Variants in SLIT3 observed in about 807,000 individuals in gnomAD.
SLIT3 encodes the protein slit homolog 3 protein.
In SLIT3, 68 loss-of-function variants were observed where a neutral mutation model predicts 184.0. The observed-to-expected ratio is 0.37, with a 90% CI of 0.30 to 0.45. The LOEUF (loss-of-function observed/expected upper bound fraction) is 0.45, where lower values mean the gene tolerates loss of function less well. Ranked by LOEUF, SLIT3 falls within the 20% of genes least tolerant of loss-of-function variation. SLIT3 has a pLI of 1.00. For synonymous variants in SLIT3, 831 were observed against 828.6 expected (o/e 1.00, Z -0.05); for missense variants, 1,707 against 2,026.0 (o/e 0.84, Z 3.02).
chr5:168,808,403 A>G (rs1190075018), intron 8 of SLIT3, among the ~76,000 whole-genome samples: 1 of 152,132 alleles, frequency 6.6e-6, no homozygotes, highest in Non-Finnish European at 1.5e-5. Context: ...TCATTTCATC[A>G]TTATTTCCCT....
intron 1 of SLIT3, among the ~76,000 whole-genome samples, chr5:169,271,128 A>G (rs1766593470): frequency 2.0e-5 from 3 of 152,190 alleles, no homozygotes; most frequent in African/African-American, 7.2e-5. Flanking sequence ...TCCTGACTGT[A>G]GGTGATATGA....
intron 4 of SLIT3, among the ~76,000 whole-genome samples, chr5:169,142,477 T>C (rs140044855): frequency 2.6e-5 from 4 of 152,296 alleles, no homozygotes; most frequent in Non-Finnish European, 5.9e-5. Flanking sequence ...CACTGCCCAC[T>C]GGATTCAGCC....
intron 1 of SLIT3, among the ~76,000 whole-genome samples, chr5:169,258,766 A>G (rs1766065036): frequency 6.6e-6 from 1 of 152,240 alleles, no homozygotes; most frequent in Non-Finnish European, 1.5e-5. Flanking sequence ...TTATCTTGGC[A>G]CATGTATATC....
intron 4 of SLIT3, among the ~76,000 whole-genome samples, chr5:168,979,973 A>G (rs1002603415): frequency 6.6e-6 from 1 of 152,122 alleles, no homozygotes; most frequent in Non-Finnish European, 1.5e-5. Flanking sequence ...CCCTCGGAGA[A>G]CAGGAACTGG....
At chr5:168,963,908 CAG>C (rs1230285403) in intron 4 of SLIT3, among the ~76,000 whole-genome samples, 3 of 152,072 alleles carry the variant, frequency 2.0e-5, no homozygotes, top group Non-Finnish European at 4.4e-5. Flanking sequence ...AAATAAAAGG[CAG>C]AGTTTTAAGG....
At chr5:168,883,118 G>A in intron 5 of SLIT3, 147 bp downstream of exon 5, 1 of 627,512 alleles carries the variant, frequency 1.6e-6, no homozygotes, top group Non-Finnish European at 2.9e-6. Context: ...CATCCAACGT[G>A]TGTTCCCTAG....
chr5:168,907,963 T>TAGAGAG (rs1282182817), intron 4 of SLIT3, among the ~76,000 whole-genome samples: 4 of 79,468 alleles, frequency 5.0e-5, no homozygotes, highest in East Asian at 3.4e-4. Context: ...TATATATATA[T>TAGAGAG]ATATATATAT....
intron 9 of SLIT3, 91 bp from the exon 10 acceptor site, chr5:168,795,669 G>T: frequency 9.4e-7 from 1 of 1,059,134 alleles, no homozygotes; most frequent in South Asian, 1.3e-5. Flanking sequence ...CTTAAGGACA[G>T]GGAGGTCTTT....
intron 26 of SLIT3, among the ~76,000 whole-genome samples, chr5:168,703,447 G>A (rs2113292303): frequency 6.6e-6 from 1 of 152,172 alleles, no homozygotes; most frequent in African/African-American, 2.4e-5. Flanking sequence ...GGTCAGCCGT[G>A]GCGTTAGATT....
At chr5:169,242,321 C>T (rs569039084) in intron 3 of SLIT3, among the ~76,000 whole-genome samples, 1 of 152,302 alleles carries the variant, frequency 6.6e-6, no homozygotes, top group South Asian at 2.1e-4. Context: ...AGATCACTTG[C>T]AATAGAAGTC....
rs199932996 is a variant in SLIT3 at position 168,823,240 on chromosome 5, T to C, written c.629+20A>G. ...TGAGGTAGGGAGAAAATGGGAGAGA[T>C]GCACAGACTTCTTACTCACAGAGTT... On this transcript the variant is annotated intron_variant, in intron 7 of 35. Coordinates refer to ENST00000519560, the MANE Select transcript of SLIT3 (RefSeq NM_003062.4). 1.4e-5 allele frequency: 23 copies of C among 1,603,752 alleles called. 1 individual carries two copies. Among genetic ancestry groups the C allele is most frequent in the Non-Finnish European group, 2.0e-5 (23 of 1,170,724 alleles).
At chr5:168,982,434 C>T (rs1287695577) in intron 4 of SLIT3, among the ~76,000 whole-genome samples, 1 of 152,160 alleles carries the variant, frequency 6.6e-6, no homozygotes. Context: ...AGATGCACCC[C>T]CTTGACCTTG....
intron 4 of SLIT3, among the ~76,000 whole-genome samples, chr5:169,130,522 C>T (rs571421449): frequency 9.2e-5 from 14 of 152,168 alleles, no homozygotes; most frequent in Non-Finnish European, 1.6e-4. Context: ...GTTGACAGAG[C>T]TGTTGCAGGT....
intron 4 of SLIT3, among the ~76,000 whole-genome samples, chr5:169,137,335 C>CAGAGAGAGAGAGAGAGAGAGAG (rs1554101372): frequency 1.4e-5 from 2 of 138,550 alleles, no homozygotes; most frequent in Admixed American, 7.2e-5. Flanking sequence ...CACACACACA[C>CAGAGAGAGAGAGAGAGAGAGAG]AGAGAGAGAG....
At chr5:168,904,489 C>CAATAATAATAATAATAAT (rs56039430) in intron 4 of SLIT3, among the ~76,000 whole-genome samples, 1 of 147,584 alleles carries the variant, frequency 6.8e-6, no homozygotes, top group Non-Finnish European at 1.5e-5. Flanking sequence ...TTAGAAATAA[C>CAATAATAATAATAATAAT]AATAATAATA....
In SLIT3 at chr5:168,785,928, C is replaced by T; in HGVS notation, c.1130G>A (p.Gly377Glu). 2 of 1,613,030 alleles carry T rather than the reference C, an allele frequency of 1.2e-6. No homozygotes were observed. Among genetic ancestry groups the T allele is most frequent in the South Asian group, 1.1e-5 (1 of 91,038 alleles). The change falls in exon 12 of 36, where the codon GGG becomes GAG. Residue 377 changes from glycine (G) to glutamate (E), a missense_variant. This residue lies in a region of SLIT3 where 1,307 missense variants were observed against 1,511.6 expected (regional missense o/e 0.86). Transcript: ENST00000519560. ...ITEIVKGLFD[G>E]LVSLQLLLLN... ...TCACAGCAGCTGTAGGGACACCAGCCCATCAAACAGTCCCTTGACAATCTC... is the reference window on the plus strand; with the variant it reads ...TCACAGCAGCTGTAGGGACACCAGCTCATCAAACAGTCCCTTGACAATCTC...
chr5:168,715,060 G>C (rs992226505), intron 23 of SLIT3, among the ~76,000 whole-genome samples: 3 of 152,138 alleles, frequency 2.0e-5, no homozygotes, highest in African/African-American at 7.2e-5. Flanking sequence ...GGTGTGGGTG[G>C]GTGAATTCTC....
intron 5 of SLIT3, among the ~76,000 whole-genome samples, chr5:168,863,167 A>G (rs971193663): frequency 2.6e-5 from 4 of 152,200 alleles, no homozygotes; most frequent in Admixed American, 2.6e-4. Context: ...ATGACTCAAT[A>G]GTTGCATTTT....
chr5:169,133,621 C>T (rs1260211483), intron 4 of SLIT3, among the ~76,000 whole-genome samples: 1 of 152,080 alleles, frequency 6.6e-6, no homozygotes, highest in African/African-American at 2.4e-5. Context: ...GAGGGAGAGG[C>T]AGAATGAGAG....
Sources: gnomAD v4.1 joint callset for allele counts (sites outside exome capture counted in the v4.1 genomes callset) on GRCh38, gnomAD v4.1.1 for gene constraint, gnomAD v4.1.1 regional missense constraint, MANE v1.5 for transcripts, NCBI Gene and HGNC (gene_info 2026-07-23, HGNC 2026-07-21) for gene names.